Variants in NT5C1B observed in about 807,000 individuals in gnomAD.
The protein encoded by NT5C1B is cytosolic 5'-nucleotidase 1B.
A neutral mutation model predicts 57.8 loss-of-function variants in NT5C1B; 44 were observed. The observed-to-expected ratio is 0.76, with a 90% CI of 0.60 to 0.98. The LOEUF (loss-of-function observed/expected upper bound fraction) is 0.98. Among genes scored for constraint, NT5C1B ranks in the 50% least tolerant of loss-of-function variants. NT5C1B has a pLI of 0.00. For synonymous variants in NT5C1B, 284 were observed against 282.6 expected (o/e 1.00, Z -0.05); for missense variants, 742 against 719.5 (o/e 1.03, Z -0.36).
chr2:18,584,779 G>A lies in NT5C1B; in HGVS notation c.458C>T (p.Pro153Leu). 1 of 1,613,614 alleles carries A rather than the reference G, an allele frequency of 6.2e-7. No individual in the cohort carries two copies. The highest frequency in any genetic ancestry group is 8.5e-7 in the Non-Finnish European group (1 of 1,179,832). Reference sequence around the variant, plus strand: ...CACGATGCCTTGGGCCCAGGCCTCCGGATTCTCTTGCATTTTGGTGCTGCG... The same window carrying A: ...CACGATGCCTTGGGCCCAGGCCTCCAGATTCTCTTGCATTTTGGTGCTGCG... Residue 153 changes from proline to leucine, a missense_variant, in exon 4 of 9, where the codon CCG (proline) becomes CTG (leucine). Transcript: ENST00000304081. This position sits in a 1 kb window ranked among gnomAD's most constrained non-coding sequence, Gnocchi z 5.8.
At chr2:18,585,571 T>A (rs1259765326) in intron 3 of NT5C1B, among the ~76,000 whole-genome samples, 1 of 152,160 alleles carries the variant, frequency 6.6e-6, no homozygotes. Flanking sequence ...CTTGTGCCGG[T>A]GAAGCACAGT....
chr2:18,581,550 T>C (rs1666187268), intron 6 of NT5C1B, among the ~76,000 whole-genome samples: 1 of 152,204 alleles, frequency 6.6e-6, no homozygotes, highest in African/African-American at 2.4e-5. Flanking sequence ...TCAGGTCCAT[T>C]AACTGTCTTG....
At chr2:18,565,893 T>C (rs1056697871) in intron 8 of NT5C1B, among the ~76,000 whole-genome samples, 2 of 152,206 alleles carry the variant, frequency 1.3e-5, no homozygotes, top group African/African-American at 4.8e-5. Context: ...TTACCTGTTA[T>C]CTATTTCTGT....
chr2:18,567,929 A>G (rs1664789742), intron 8 of NT5C1B, among the ~76,000 whole-genome samples: 1 of 152,204 alleles, frequency 6.6e-6, no homozygotes, highest in South Asian at 2.1e-4. Context: ...GTTGAATGGA[A>G]CTATATAAAG....
chr2:18,584,424 G>T lies in NT5C1B; in HGVS notation c.723+90C>A. ...CCCGAAGTTTGGGGAGGAGAAGCGG[G>T]AGGACCTCCCTGCGCAGTGGAGAGG... On this transcript the variant is annotated intron_variant, in intron 4 of 8. Coordinates refer to ENST00000304081, the Ensembl canonical transcript of NT5C1B. The surrounding 1 kb of genome is among the most constrained non-coding windows in gnomAD (Gnocchi z 5.8). The T allele has an allele frequency of 6.5e-7, 1 of 1,531,352 alleles. No individual in the cohort carries two copies. The allele number at this position is 1,531,352 out of a possible 1,614,324, so 94.9% of individuals were successfully genotyped here.
At chr2:18,587,587 C>T in exon 2 of NT5C1B, 1 of 1,610,664 alleles carries the variant, frequency 6.2e-7, no homozygotes, top group Non-Finnish European at 8.5e-7. Flanking sequence ...TCATTCCAGG[C>T]TCATTCTTGA....
intron 8 of NT5C1B, among the ~76,000 whole-genome samples, chr2:18,567,558 A>G (rs1165178638): frequency 2.0e-5 from 3 of 152,094 alleles, no homozygotes; most frequent in Admixed American, 6.5e-5. Flanking sequence ...CTTGAGAAAA[A>G]CCCTCTGGTA....
At chr2:18,563,702 A>G (rs998156669) in exon 9 of NT5C1B, 23 of 1,336,724 alleles carry the variant, frequency 1.7e-5, no homozygotes, top group Middle Eastern at 3.8e-4. Flanking sequence ...TTAAGGTCCA[A>G]TTTTCTGAAA....
chr2:18,587,245 AG>A (rs1359563095), intron 2 of NT5C1B: 1 of 1,529,116 alleles, frequency 6.5e-7, no homozygotes, highest in Non-Finnish European at 8.8e-7. Context: ...AACAAAGACC[AG>A]TCTCCCCCCT....
rs201047201 is a variant in NT5C1B at position 18,584,704 on chromosome 2, G to A, written c.533C>T (p.Thr178Met). The stretch of plus-strand genomic sequence containing the variant: ...GGAGGACTTCCACTCGGTGGGGGAC[G>A]TGCGCGAATATTCCAGCGGCTGCGA... The change falls in exon 4 of 9, where the codon ACG (threonine) becomes ATG (methionine). Residue 178 changes from threonine (T) to methionine (M), a missense_variant. By Grantham distance (81) the Thr-to-Met change is moderately conservative (BLOSUM62 -1). Transcript: ENST00000304081. The surrounding 1 kb of genome is among the most constrained non-coding windows in gnomAD (Gnocchi z 5.8). 2.5e-6 allele frequency: 4 copies of A among 1,612,402 alleles called. No individual in the cohort carries two copies. Among genetic ancestry groups the A allele is most frequent in the East Asian group, 2.2e-5 (1 of 44,810 alleles).
At chr2:18,586,133 G>T in intron 3 of NT5C1B, 121 bp downstream of exon 3, 1 of 1,437,772 alleles carries the variant, frequency 7.0e-7, no homozygotes, top group African/African-American at 1.4e-5. Context: ...TTCTCCCAAG[G>T]GCTAAATTAG....
At chr2:18,587,316 A>G (rs1261071089) in intron 2 of NT5C1B, 187 bp downstream of exon 2, 6 of 1,475,136 alleles carry the variant, frequency 4.1e-6, no homozygotes, top group Non-Finnish European at 5.4e-6. Flanking sequence ...ACACTAGGGT[A>G]TGGATGGAGG....
chr2:18,577,825 G>T (rs1033460678), intron 6 of NT5C1B, among the ~76,000 whole-genome samples: 15 of 152,048 alleles, frequency 9.9e-5, no homozygotes, highest in African/African-American at 3.6e-4. Flanking sequence ...CCAAAAGTTT[G>T]TTATTTGAAA....
At position 18,583,435 on chromosome 2, in the gene NT5C1B, T is replaced by G. The variant is rs192028716; in HGVS notation, c.892-438A>C. 291 of 189,030 alleles carry G rather than the reference T, an allele frequency of 1.5e-3. 1 individual carries two copies. The highest frequency in any genetic ancestry group is 6.4e-3 in the African/African-American group (269 of 42,320). The allele number at this position is 189,030 out of a possible 1,614,324, so 11.7% of individuals were successfully genotyped here. A position where few individuals can be genotyped will look rare whatever the true frequency, so the allele number is the denominator to read the frequency against. Reference sequence around the variant, plus strand: ...GAGGTCATGCAAATCGTCTCTCTTTTGTTCCAATTTTAGTATATATTCTGT... The same window carrying G: ...GAGGTCATGCAAATCGTCTCTCTTTGGTTCCAATTTTAGTATATATTCTGT... On this transcript the variant is annotated intron_variant, in intron 5 of 8. Transcript: ENST00000304081.
intron 8 of NT5C1B, 151 bp downstream of exon 8, chr2:18,576,033 A>G: frequency 1.3e-6 from 1 of 797,138 alleles, no homozygotes; most frequent in South Asian, 3.3e-5. Flanking sequence ...CCATTCATGA[A>G]AGAAAGAGAG....
At chr2:18,587,188 A>G (rs759375924) in intron 2 of NT5C1B, 8 of 1,608,284 alleles carry the variant, frequency 5.0e-6, no homozygotes, top group Non-Finnish European at 6.8e-6. Flanking sequence ...AAGATTGTGC[A>G]GAAAGTGGTC....
At chr2:18,578,383 A>C (rs1246783958) in intron 6 of NT5C1B, among the ~76,000 whole-genome samples, 1 of 152,130 alleles carries the variant, frequency 6.6e-6, no homozygotes, top group Non-Finnish European at 1.5e-5. Flanking sequence ...AATACTACCA[A>C]ACCCAATCCA....
chr2:18,584,433 C>T lies in NT5C1B; in HGVS notation c.723+81G>A, dbSNP rs1251824838. 18 of 1,548,702 alleles carry T rather than the reference C, an allele frequency of 1.2e-5. No individual in the cohort carries two copies. Among genetic ancestry groups the T allele is most frequent in the Non-Finnish European group, 1.6e-5 (18 of 1,149,350 alleles). ...TGGGGAGGAGAAGCGGGAGGACCTC[C>T]CTGCGCAGTGGAGAGGAGGGCGGCT... On this transcript the variant is annotated intron_variant, in intron 4 of 8. Coordinates refer to ENST00000304081, the Ensembl canonical transcript of NT5C1B. This position sits in a 1 kb window ranked among gnomAD's most constrained non-coding sequence, Gnocchi z 5.8.
chr2:18,584,785 T>G lies in NT5C1B; in HGVS notation c.452A>C (p.Glu151Ala), dbSNP rs759252599. 1.2e-6 allele frequency: 2 copies of G among 1,613,462 alleles called. No homozygotes were observed. Among genetic ancestry groups the G allele is most frequent in the African/African-American group, 1.3e-5 (1 of 74,908 alleles). The change falls in exon 4 of 9, where the codon GAG becomes GCG. Residue 151 changes from glutamate (E) to alanine (A), a missense_variant. Coordinates refer to ENST00000304081, the Ensembl canonical transcript of NT5C1B. The surrounding 1 kb of genome is among the most constrained non-coding windows in gnomAD (Gnocchi z 5.8). Reference sequence around the variant, plus strand: ...GCCTTGGGCCCAGGCCTCCGGATTCTCTTGCATTTTGGTGCTGCGCCGGGA... The same window carrying G: ...GCCTTGGGCCCAGGCCTCCGGATTCGCTTGCATTTTGGTGCTGCGCCGGGA...
Sources: allele counts gnomAD v4.1 joint callset (sites outside exome capture counted in the v4.1 genomes callset), GRCh38; gene constraint gnomAD v4.1.1; non-coding constraint Gnocchi (gnomAD v3.1); transcripts MANE v1.5; gene names NCBI Gene and HGNC (gene_info 2026-07-23, HGNC 2026-07-21).